Variants in SYTL2 observed in about 807,000 individuals in gnomAD.
The protein encoded by SYTL2 is synaptotagmin-like protein 2.
SYTL2 carries 165 observed loss-of-function variants against 198.7 expected under a neutral mutation model. That is an observed-to-expected ratio of 0.83 (90% CI 0.73 to 0.94). SYTL2 has a LOEUF of 0.94. SYTL2 is among the 40% of genes least tolerant of loss of function. The pLI, the probability that SYTL2 is intolerant of heterozygous loss-of-function variation, is 0.00. For synonymous variants in SYTL2, 966 were observed against 917.7 expected, an observed-to-expected ratio of 1.05 and a Z score of -0.95; for missense variants, 2,835 against 2,582.8, an observed-to-expected ratio of 1.10 and a Z score of -2.12.
intron 2 of SYTL2, 86 bp downstream of exon 2, chr11:85,757,539 T>C: frequency 6.8e-7 from 1 of 1,467,248 alleles, no homozygotes; most frequent in African/African-American, 1.4e-5. Flanking sequence ...GAACTACCAC[T>C]TATAGTTGAA....
chr11:85,771,201 T>C (rs1423777691), intron 1 of SYTL2, among the ~76,000 whole-genome samples: 1 of 152,176 alleles, frequency 6.6e-6, no homozygotes, highest in Non-Finnish European at 1.5e-5. Flanking sequence ...TGAGAGCATC[T>C]CTCGAGACTT....
intron 1 of SYTL2, among the ~76,000 whole-genome samples, chr11:85,779,044 C>CTA (rs929807430): frequency 6.6e-6 from 1 of 151,912 alleles, no homozygotes; most frequent in African/African-American, 2.4e-5. Flanking sequence ...GTGTACTATA[C>CTA]TATATATATT....
rs759180231 is a variant in SYTL2 at position 85,714,509 on chromosome 11, T to C, written c.5531-2A>G. ...CAGGTTGTGTAGGCACTGTGGAAAC[T>C]AAACAGCAGCATTTCCATTTCAAAA... On this transcript the variant is annotated splice_acceptor_variant, in intron 11 of 19. Coordinates refer to ENST00000359152, the MANE Select transcript of SYTL2 (RefSeq NM_206927.4). LOFTEE classifies it high-confidence loss of function. 1.2e-6 allele frequency: 2 copies of C among 1,610,238 alleles called. No individual in the cohort carries two copies.
intron 3 of SYTL2, among the ~76,000 whole-genome samples, chr11:85,746,259 C>T (rs1208222810): frequency 6.6e-6 from 1 of 152,160 alleles, no homozygotes; most frequent in East Asian, 1.9e-4. Flanking sequence ...CCTCTGCTGC[C>T]TTCTCCTCCT....
chr11:85,750,363 C>T lies in SYTL2; in HGVS notation c.102-1940G>A, dbSNP rs1446623178. ...ATGTGAAGTCTCATGGGATGTCTTT[C>T]CCTCACTTCTCTGTCCAGCCCGTTG... is the stretch of plus-strand genomic sequence containing the variant. On this transcript the variant is annotated intron_variant, in intron 2 of 19. Coordinates refer to ENST00000359152, the MANE Select transcript of SYTL2 (RefSeq NM_206927.4). 2.6e-5 allele frequency among the ~76,000 whole-genome samples: 4 copies of T among 152,118 alleles called. No homozygotes were observed. The East Asian group carries it at 7.7e-4, about 29-fold the overall frequency.
At chr11:85,793,535 A>T (rs1415785227) in intron 1 of SYTL2, among the ~76,000 whole-genome samples, 3 of 152,266 alleles carry the variant, frequency 2.0e-5, no homozygotes, top group Non-Finnish European at 4.4e-5. Flanking sequence ...CTTTGAATTT[A>T]AAAATTTCTC....
chr11:85,753,765 TTAAAAAAAAAAA>T (rs764064713), intron 2 of SYTL2, among the ~76,000 whole-genome samples: 13 of 101,846 alleles, frequency 1.3e-4, no homozygotes, highest in Admixed American at 5.1e-4. Flanking sequence ...ACTCTCTTTT[TTAAAAAAAAAAA>T]AAAAAAAAAA....
At chr11:85,749,016 G>C (rs977711484) in intron 2 of SYTL2, among the ~76,000 whole-genome samples, 9 of 152,102 alleles carry the variant, frequency 5.9e-5, no homozygotes, top group African/African-American at 1.4e-4. Context: ...TTAGGGAAAG[G>C]CATCTTTAAA....
At chr11:85,845,432 T>C in the SYTL2 span, among the ~76,000 whole-genome samples, 1 of 152,156 alleles carries the variant, frequency 6.6e-6, no homozygotes, top group Non-Finnish European at 1.5e-5. Flanking sequence ...TGTGCAATAA[T>C]AGACAACTAA....
the SYTL2 span, among the ~76,000 whole-genome samples, chr11:85,848,639 T>C: frequency 6.6e-6 from 1 of 152,244 alleles, no homozygotes; most frequent in Non-Finnish European, 1.5e-5. Context: ...TTTTGTTATA[T>C]TCTATTGGTC....
At chr11:85,709,566 G>T in intron 13 of SYTL2, 66 bp from the exon 14 acceptor site, 1 of 1,431,902 alleles carries the variant, frequency 7.0e-7, no homozygotes, top group South Asian at 1.2e-5. Flanking sequence ...CAAGGATCAT[G>T]GATATAATCC....
intron 2 of SYTL2, among the ~76,000 whole-genome samples, 165 bp from the exon 3 acceptor site, chr11:85,748,588 T>C (rs2091317643): frequency 6.6e-6 from 1 of 152,242 alleles, no homozygotes; most frequent in South Asian, 2.1e-4. Flanking sequence ...ATGTTCACCT[T>C]TGAAAAGTCA....
At position 85,734,367 on chromosome 11, in the gene SYTL2, T is replaced by G. The variant is rs1385200508; in HGVS notation, c.962A>C (p.Asn321Thr). The change falls in exon 7 of 20, where the codon AAC (asparagine) becomes ACC (threonine). Residue 321 changes from asparagine to threonine, a missense_variant. Coordinates refer to ENST00000359152, the MANE Select transcript of SYTL2 (RefSeq NM_206927.4). ...ISEKEHSLED[N>T]SSPNSLEPLK... ...TGGCTCCAGGGAGTTTGGGGAAGAGTTGTCTTCTAAAGAATGCTCCTTCTC... is the reference window on the plus strand; with the variant it reads ...TGGCTCCAGGGAGTTTGGGGAAGAGGTGTCTTCTAAAGAATGCTCCTTCTC... 1 of 1,614,104 alleles carries G rather than the reference T, an allele frequency of 6.2e-7. No homozygotes were observed. The highest frequency in any genetic ancestry group is 1.1e-5 in the South Asian group (1 of 91,076).
intron 2 of SYTL2, among the ~76,000 whole-genome samples, chr11:85,750,030 C>T (rs1241184211): frequency 6.6e-6 from 1 of 152,122 alleles, no homozygotes; most frequent in African/African-American, 2.4e-5. Flanking sequence ...ACGCCCATAC[C>T]CCACTTGCCA....
At chr11:85,716,769 T>C (rs981835067) in intron 11 of SYTL2, 1 of 151,968 alleles carries the variant, frequency 6.6e-6, no homozygotes, top group Admixed American at 6.6e-5. Flanking sequence ...GAGTACTTTT[T>C]AAATGTGTTA....
the SYTL2 span, among the ~76,000 whole-genome samples, chr11:85,841,252 GA>G: frequency 6.6e-6 from 1 of 152,218 alleles, no homozygotes; most frequent in African/African-American, 2.4e-5. Flanking sequence ...CATTGTAGAA[GA>G]CAGTGTGGCA....
chr11:85,759,171 G>C (rs188609131), intron 1 of SYTL2, among the ~76,000 whole-genome samples: 1 of 151,270 alleles, frequency 6.6e-6, no homozygotes, highest in Non-Finnish European at 1.5e-5. Context: ...TCTTGAACCC[G>C]GGAGGCGGAG....
Position 85,776,005 on chromosome 11 carries a change from A to T in SYTL2, c.-389-17891T>A, listed in dbSNP as rs145910925. On this transcript the variant is annotated intron_variant, in intron 1 of 19. Transcript: ENST00000359152. The stretch of plus-strand genomic sequence containing the variant: ...TGGCAGGTGTTTTGGTGATGGGGGT[A>T]GATCCCTCACAAATAGATTAATACT... Among the ~76,000 whole-genome samples the T allele has an allele frequency of 8.6e-4, 131 of 152,334 alleles. 1 individual carries two copies. The East Asian group carries it at 0.013, about 15-fold the overall frequency.
In SYTL2 at chr11:85,708,836, G is replaced by GTTT. The variant is rs1565873217; in HGVS notation, c.5915+494_5915+495insAAA. On this transcript the variant is annotated intron_variant, in intron 14 of 19. Coordinates refer to ENST00000359152, the MANE Select transcript of SYTL2 (RefSeq NM_206927.4). ...GTTGAAACATTTTGTGCTTCTCTGT[G>GTTT]ATTTTTTTTTTTTTTTTTTTTTTTT... 3.7e-4 allele frequency among the ~76,000 whole-genome samples: 24 copies of GTTT among 64,252 alleles called. 1 individual carries two copies. The highest frequency in any genetic ancestry group is 1.2e-3 in the African/African-American group (16 of 12,938). 42.2% of individuals were successfully genotyped at this position (64,252 alleles called of 152,430 possible).
Sources: gnomAD v4.1 joint callset for allele counts (sites outside exome capture counted in the v4.1 genomes callset) on GRCh38, gnomAD v4.1.1 for gene constraint, MANE v1.5 for transcripts, NCBI Gene and HGNC (gene_info 2026-07-23, HGNC 2026-07-21) for gene names.